The following TARS3 variants were observed in gnomAD, a reference collection of about 807,000 sequenced individuals.
TARS3 encodes threonyl-tRNA synthetase 3, also known as threonine--tRNA ligase 2, cytoplasmic.
In TARS3, 94 loss-of-function variants were observed where a neutral mutation model predicts 103.5. The observed-to-expected ratio is 0.91, with a 90% CI of 0.77 to 1.08. The LOEUF (loss-of-function observed/expected upper bound fraction) is 1.08. Ranked by LOEUF, TARS3 falls within the 50% of genes least tolerant of loss-of-function variation. The pLI is 0.00. For missense variants in TARS3, 952 were observed against 995.2 expected, an observed-to-expected ratio of 0.96 and a Z score of 0.58; for synonymous variants, 416 against 355.4, an observed-to-expected ratio of 1.17 and a Z score of -1.92.
chr15:101,722,642 T>TGA (rs774095525), intron 2 of TARS3, among the ~76,000 whole-genome samples: 1 of 58,752 alleles, frequency 1.7e-5, no homozygotes, highest in South Asian at 1.0e-3. Flanking sequence ...CCATCTCTAC[T>TGA]AAAAAAAAAA....
At chr15:101,671,823 T>A in intron 13 of TARS3, 75 bp from the exon 14 acceptor site, 5 of 1,196,132 alleles carry the variant, frequency 4.2e-6, no homozygotes, top group Non-Finnish European at 6.0e-6. Flanking sequence ...CAAAAGTTAC[T>A]ATAACTCTTC....
chr15:101,697,712 T>C (rs1353560485), intron 10 of TARS3, among the ~76,000 whole-genome samples: 1 of 152,110 alleles, frequency 6.6e-6, no homozygotes, highest in Non-Finnish European at 1.5e-5. Flanking sequence ...TAAGACACTG[T>C]GAAAACCTCA....
intron 4 of TARS3, among the ~76,000 whole-genome samples, chr15:101,714,391 C>T (rs1170076532): frequency 6.6e-6 from 1 of 151,894 alleles, no homozygotes; most frequent in South Asian, 2.1e-4. Context: ...ACTGCTCGAG[C>T]CCAGGAGTTT....
intron 3 of TARS3, among the ~76,000 whole-genome samples, chr15:101,718,452 G>T (rs1390982408): frequency 6.6e-6 from 1 of 152,132 alleles, no homozygotes; most frequent in Non-Finnish European, 1.5e-5. Context: ...AGCAGAGGTG[G>T]AAGGGATAGG....
chr15:101,712,853 G>C (rs1407803353), intron 4 of TARS3, among the ~76,000 whole-genome samples: 1 of 152,200 alleles, frequency 6.6e-6, no homozygotes, highest in African/African-American at 2.4e-5. Flanking sequence ...CAGGGCAGAA[G>C]GAGTCAGATG....
chr15:101,705,569 T>A (rs1390494383), intron 7 of TARS3, 114 bp downstream of exon 7: 17 of 796,208 alleles, frequency 2.1e-5, no homozygotes, highest in Admixed American at 2.5e-5. Flanking sequence ...CTACGGTAGA[T>A]TATCAACTAC....
At position 101,678,186 on chromosome 15, in the gene TARS3, G is replaced by A. The variant is rs1451558917; in HGVS notation, c.1651-2449C>T. Among the ~76,000 whole-genome samples the A allele has an allele frequency of 2.6e-5, 4 of 151,164 alleles. No individual in the cohort carries two copies. The East Asian group carries it at 8.0e-4, about 30-fold the overall frequency. Reference sequence around the variant, plus strand: ...GTAGAGATGGGGTTTCACCATGTTGGTCAGGCTGGTCTTGAACTCCTGACC... The same window carrying A: ...GTAGAGATGGGGTTTCACCATGTTGATCAGGCTGGTCTTGAACTCCTGACC... On this transcript the variant is annotated intron_variant, in intron 12 of 18. Coordinates refer to ENST00000335968, the MANE Select transcript of TARS3 (RefSeq NM_152334.3).
At chr15:101,704,160 A>C (rs1285694906) in intron 7 of TARS3, among the ~76,000 whole-genome samples, 1 of 152,240 alleles carries the variant, frequency 6.6e-6, no homozygotes, top group Non-Finnish European at 1.5e-5. Flanking sequence ...GAAACTAGGC[A>C]ATTCTCTGAT....
At chr15:101,672,466 C>T (rs182107958) in intron 13 of TARS3, among the ~76,000 whole-genome samples, 174 of 152,274 alleles carry the variant, frequency 1.1e-3, no homozygotes, top group Non-Finnish European at 2.1e-3. Context: ...TGCCAAAACA[C>T]GAGCCAAACT....
chr15:101,668,351 G>T (rs1363542016), intron 15 of TARS3, among the ~76,000 whole-genome samples: 1 of 152,184 alleles, frequency 6.6e-6, no homozygotes, highest in Non-Finnish European at 1.5e-5. Flanking sequence ...TGAGGAGAGG[G>T]AGAGAGATTA....
intron 11 of TARS3, among the ~76,000 whole-genome samples, chr15:101,685,527 C>A (rs1275146038): frequency 6.6e-6 from 1 of 152,060 alleles, no homozygotes; most frequent in Non-Finnish European, 1.5e-5. Context: ...TGATTATGAC[C>A]TCATTGATCT....
rs868451104 is a variant in TARS3 at position 101,702,328 on chromosome 15, C to A, written c.1132G>T (p.Gly378Ter). ...PEMETLQRIY[G>*]ISFPDNKMMR... ...ATCTTGTTATCAGGAAAGGATATTC[C>A]ATAGATCCTCTGCAATGTTTCCATT... is the stretch of plus-strand genomic sequence containing the variant. The change falls in exon 9 of 19, where the codon GGA (glycine) becomes TGA (stop). Residue 378 changes from glycine (G) to a stop codon, truncating the protein, a stop_gained. Coordinates refer to ENST00000335968, the MANE Select transcript of TARS3 (RefSeq NM_152334.3). LOFTEE classifies it high-confidence loss of function. 1 of 1,613,560 alleles carries A rather than the reference C, an allele frequency of 6.2e-7. No homozygotes were observed. The highest frequency in any genetic ancestry group is 8.5e-7 in the Non-Finnish European group (1 of 1,179,624).
At chr15:101,719,414 G>A (rs1052184760) in intron 3 of TARS3, among the ~76,000 whole-genome samples, 1 of 152,230 alleles carries the variant, frequency 6.6e-6, no homozygotes, top group Non-Finnish European at 1.5e-5. Context: ...GAGTGAGTGT[G>A]TCAGATGTTG....
At chr15:101,720,125 T>A (rs1900374052) in intron 3 of TARS3, among the ~76,000 whole-genome samples, 1 of 152,218 alleles carries the variant, frequency 6.6e-6, no homozygotes, top group Non-Finnish European at 1.5e-5. Context: ...GAAAACAGGC[T>A]GGGAGAGCAT....
At chr15:101,677,174 T>A in intron 12 of TARS3, among the ~76,000 whole-genome samples, 1 of 152,200 alleles carries the variant, frequency 6.6e-6, no homozygotes, top group East Asian at 1.9e-4. Flanking sequence ...CCTTACAACA[T>A]TTATTTCTGG....
chr15:101,675,594 T>G lies in TARS3; in HGVS notation c.1788+6A>C, dbSNP rs1182204098. 6.2e-7 allele frequency: 1 copy of G among 1,612,198 alleles called. No homozygotes were observed. On this transcript the variant is annotated splice_donor_region_variant and intron_variant, in intron 13 of 18. Coordinates refer to ENST00000335968, the MANE Select transcript of TARS3 (RefSeq NM_152334.3). ...ATGAAGAGGAAGCACAAGGTGTGTC[T>G]CTTACCTTCTCAGCCTCATTCCACA...
intron 4 of TARS3, among the ~76,000 whole-genome samples, chr15:101,713,991 T>G (rs565575006): frequency 3.3e-5 from 5 of 152,328 alleles, no homozygotes; most frequent in Non-Finnish European, 7.3e-5. Context: ...AGCATAAGCC[T>G]TGCAATTATT....
chr15:101,693,382 G>A (rs1407147726), intron 10 of TARS3, among the ~76,000 whole-genome samples: 1 of 152,024 alleles, frequency 6.6e-6, no homozygotes, highest in Non-Finnish European at 1.5e-5. Flanking sequence ...CAGATCTCAA[G>A]AGACTTATTC....
rs770327550 is a variant in TARS3, at chr15:101,724,277, C to T, written c.111G>A (p.Leu37=). 9.5e-6 allele frequency: 15 copies of T among 1,572,886 alleles called. No individual in the cohort carries two copies. Among genetic ancestry groups the T allele is most frequent in the Non-Finnish European group, 1.3e-5 (15 of 1,165,994 alleles). ...CCGCCTGGCAGCTGTAGGGCGCGTTCAGCTGCTCGTCCCTCAGGCGCTCGA... is the reference window on the plus strand; with the variant it reads ...CCGCCTGGCAGCTGTAGGGCGCGTTTAGCTGCTCGTCCCTCAGGCGCTCGA... ...SEVERLRDEQ[L]NAPYSCQAEG... The change falls in exon 1 of 19, where the codon CTG becomes CTA. Residue 37 remains leucine, a synonymous_variant. Transcript: ENST00000335968.
Sources: allele counts gnomAD v4.1 joint callset (sites outside exome capture counted in the v4.1 genomes callset), GRCh38; gene constraint gnomAD v4.1.1; transcripts MANE v1.5; gene names NCBI Gene and HGNC (gene_info 2026-07-23, HGNC 2026-07-21).